The following LENG8 variants were observed in gnomAD, a reference collection of about 807,000 sequenced individuals.
LENG8 encodes the protein leukocyte receptor cluster member 8.
A neutral mutation model predicts 102.1 loss-of-function variants in LENG8; 28 were observed. The ratio of observed to expected loss-of-function variants is 0.27; its 90% confidence interval spans 0.20 to 0.38. LENG8 has a LOEUF of 0.38. LENG8 is among the 10% of genes least tolerant of loss of function. The probability of loss-of-function intolerance (pLI) is 1.00; values close to 1 mark genes in which losing one functional copy is unlikely to be tolerated. For missense variants in LENG8, 1,022 were observed against 1,113.9 expected, an observed-to-expected ratio of 0.92 and a Z score of 1.17; for synonymous variants, 531 against 456.7, an observed-to-expected ratio of 1.16 and a Z score of -2.07.
rs2084281312 is a variant in LENG8, at chr19:54,456,939, C to T, written c.1731+18C>T. Reference sequence around the variant, plus strand: ...CTGTGGCAGTAAGTGCCCAGCAGGGCAGTTCTGCTCTGTGAGGCCGTGCTG... The same window carrying T: ...CTGTGGCAGTAAGTGCCCAGCAGGGTAGTTCTGCTCTGTGAGGCCGTGCTG... On this transcript the variant is annotated intron_variant, in intron 11 of 15. Transcript: ENST00000326764. The T allele has an allele frequency of 6.3e-7, 1 of 1,590,156 alleles. No homozygotes were observed. Among genetic ancestry groups the T allele is most frequent in the Non-Finnish European group, 8.5e-7 (1 of 1,170,810 alleles).
chr19:54,455,977 G>C lies in LENG8; in HGVS notation c.1036G>C (p.Glu346Gln). Residue 346 changes from glutamate to glutamine, a missense_variant, in exon 9 of 16, where the codon GAG (glutamate) becomes CAG (glutamine). Transcript: ENST00000326764. ...CTGCTGTATTCTCAGGCTGACCCGGGAGCCTGTGGCTGAGAGCCCTAAGAA... is the reference window on the plus strand; with the variant it reads ...CTGCTGTATTCTCAGGCTGACCCGGCAGCCTGTGGCTGAGAGCCCTAAGAA... ...SREPLPGLTR[E>Q]PVAESPKKKR... is the part of the protein sequence containing the mutation. The C allele has an allele frequency of 6.2e-7, 1 of 1,612,470 alleles. No individual in the cohort carries two copies. The highest frequency in any genetic ancestry group is 8.5e-7 in the Non-Finnish European group (1 of 1,179,638).
At position 54,458,470 on chromosome 19, in the gene LENG8, A is replaced by G; in HGVS notation, c.2189A>G (p.Asp730Gly). Residue 730 changes from aspartate to glycine, a missense_variant, in exon 15 of 16, where the codon GAC becomes GGC. This residue lies in a region of LENG8 where 129 missense variants were observed against 123.0 expected (regional missense o/e 1.05). Transcript: ENST00000326764. ...CCCTGCATGTCTGGCTACCTCGTGG[A>G]CAAGTTTGCAGATCGGGAGCGCAAG... Reference protein sequence around the residue: ...HAPCMSGYLVDKFADRERKVA... With the variant: ...HAPCMSGYLVGKFADRERKVA... The G allele has an allele frequency of 6.2e-7, 1 of 1,614,248 alleles. No homozygotes were observed.
chr19:54,449,486 G>C (rs1257388085), intron 1 of LENG8, 176 bp downstream of exon 1: 1 of 152,116 alleles, frequency 6.6e-6, no homozygotes, highest in African/African-American at 2.4e-5. Context: ...CTGGGGCCGC[G>C]CGTTCGGGCA....
chr19:54,460,717 C>T (rs1569309827), intron 15 of LENG8, 49 bp from the exon 16 acceptor site: 5 of 1,360,284 alleles, frequency 3.7e-6, no homozygotes, highest in Non-Finnish European at 2.9e-6. Flanking sequence ...GGGCCCTCCC[C>T]TGCCCTCCCG....
At chr19:54,456,534 G>T in intron 10 of LENG8, 69 bp downstream of exon 10, 2 of 1,539,562 alleles carry the variant, frequency 1.3e-6, no homozygotes, top group Admixed American at 4.0e-5. Flanking sequence ...ATGGGAGAAG[G>T]AGGAGGAGGG....
chr19:54,457,264 T>C lies in LENG8; in HGVS notation c.1731+343T>C, dbSNP rs1440126730. Reference sequence around the variant, plus strand: ...GTGTTTGGCGTAGTCACTGTTCTGCTGCAGAACCTGTGAACAGCCATGTGC... The same window carrying C: ...GTGTTTGGCGTAGTCACTGTTCTGCCGCAGAACCTGTGAACAGCCATGTGC... On this transcript the variant is annotated intron_variant, in intron 11 of 15. Transcript: ENST00000326764. Among the ~76,000 whole-genome samples, 4 of 152,366 alleles carry C rather than the reference T, an allele frequency of 2.6e-5. No homozygotes were observed. In the East Asian group the frequency reaches 7.7e-4, roughly 29 times the overall value.
intron 15 of LENG8, 47 bp from the exon 16 acceptor site, chr19:54,460,719 G>GGCCA: frequency 1.3e-6 from 1 of 778,920 alleles, no homozygotes; most frequent in East Asian, 5.4e-5. Context: ...GCCCTCCCCT[G>GGCCA]CCCTCCCGCC....
At chr19:54,458,547 C>G in intron 15 of LENG8, 26 bp downstream of exon 15, 1 of 1,613,828 alleles carries the variant, frequency 6.2e-7, no homozygotes, top group South Asian at 1.1e-5. Context: ...CTCCCTTCTG[C>G]CTTTGCTCTT....
At chr19:54,453,388 T>C (rs1403771888) in intron 4 of LENG8, among the ~76,000 whole-genome samples, 158 bp from the exon 5 acceptor site, 1 of 152,164 alleles carries the variant, frequency 6.6e-6, no homozygotes, top group Non-Finnish European at 1.5e-5. Context: ...GAGGTTTTTC[T>C]TTTCCTAATA....
intron 15 of LENG8, 134 bp from the exon 16 acceptor site, chr19:54,460,632 G>A: frequency 3.5e-6 from 5 of 1,434,448 alleles, no homozygotes; most frequent in Non-Finnish European, 3.7e-6. Context: ...AGGCTGGGAG[G>A]CGGGTGGGGA....
chr19:54,458,927 G>A (rs1383280699), intron 15 of LENG8: 8 of 1,525,134 alleles, frequency 5.2e-6, no homozygotes, highest in Non-Finnish European at 7.0e-6. Flanking sequence ...GACAGCCTCT[G>A]GTCTACCAGG....
rs1280558897 is a variant in LENG8 at position 54,455,971 on chromosome 19, A to G, written c.1030A>G (p.Thr344Ala). Residue 344 changes from threonine to alanine, a missense_variant, in exon 9 of 16, where the codon ACC becomes GCC. Coordinates refer to ENST00000326764, the MANE Select transcript of LENG8 (RefSeq NM_052925.4). Reference sequence around the variant, plus strand: ...CCTGCCCTGCTGTATTCTCAGGCTGACCCGGGAGCCTGTGGCTGAGAGCCC... The same window carrying G: ...CCTGCCCTGCTGTATTCTCAGGCTGGCCCGGGAGCCTGTGGCTGAGAGCCC... Reference protein sequence around the residue: ...DWSREPLPGLTREPVAESPKK... With the variant: ...DWSREPLPGLAREPVAESPKK... 1.2e-6 allele frequency: 2 copies of G among 1,611,632 alleles called. No individual in the cohort carries two copies. Among genetic ancestry groups the G allele is most frequent in the Non-Finnish European group, 1.7e-6 (2 of 1,179,412 alleles).
Position 54,452,238 on chromosome 19 carries a change from A to G in LENG8, c.184A>G (p.Ser62Gly). ...AGCTGCCGGCGGCTCTGCCAAGTCC[A>G]GCAGCAATGGGCCTGTGGCCAGTGC... is the stretch of plus-strand genomic sequence containing the variant. ...SGAAGGSAKS[S>G]SNGPVASAQY... Residue 62 changes from serine (S) to glycine (G), a missense_variant, in exon 3 of 16, where the codon AGC (serine) becomes GGC (glycine). Ser to Gly is a moderately conservative substitution (Grantham distance 56). This residue lies in a region of LENG8 where 343 missense variants were observed against 320.2 expected (regional missense o/e 1.07). Coordinates refer to ENST00000326764, the MANE Select transcript of LENG8 (RefSeq NM_052925.4). 1.9e-6 allele frequency: 3 copies of G among 1,613,502 alleles called. No homozygotes were observed. Among genetic ancestry groups the G allele is most frequent in the Non-Finnish European group, 8.5e-7 (1 of 1,179,736 alleles).
At chr19:54,455,165 C>T (rs1022845823) in intron 7 of LENG8, 73 bp downstream of exon 7, 4 of 1,592,562 alleles carry the variant, frequency 2.5e-6, no homozygotes, top group Non-Finnish European at 8.6e-7. Context: ...TCCCACTGGC[C>T]AGCTGCCCAC....
At chr19:54,449,557 C>T (rs1331056153) in intron 1 of LENG8, 1 of 151,754 alleles carries the variant, frequency 6.6e-6, no homozygotes, top group Non-Finnish European at 1.5e-5. Flanking sequence ...TTCTCGGGGC[C>T]CCGGGGCGCC....
At chr19:54,451,471 C>T in intron 2 of LENG8, 89 bp downstream of exon 2, 5 of 1,348,616 alleles carry the variant, frequency 3.7e-6, no homozygotes, top group Non-Finnish European at 5.3e-6. Context: ...CCTCCCGTGG[C>T]CTTAGGGGAG....
intron 15 of LENG8, chr19:54,459,067 C>T: frequency 7.2e-7 from 1 of 1,398,502 alleles, no homozygotes. Flanking sequence ...GTCCTTCGTT[C>T]ACTAGACATT....
rs2084522837 is a variant in LENG8 at position 54,461,056 on chromosome 19, A to T, written c.*128A>T. ...GGAGTGCGCTCCAGGAAGAGCCACC[A>T]TCCCTGCCCCCGTTTTCCCACCGGG... On this transcript the variant is annotated 3_prime_UTR_variant, in exon 16 of 16. Transcript: ENST00000326764. 1 of 1,358,232 alleles carries T rather than the reference A, an allele frequency of 7.4e-7. No homozygotes were observed. The highest frequency in any genetic ancestry group is 2.1e-5 in the Admixed American group (1 of 47,296). The allele number at this position is 1,358,232 out of a possible 1,614,324, so 84.1% of individuals were successfully genotyped here. A position where few individuals can be genotyped will look rare whatever the true frequency, so the allele number is the denominator to read the frequency against.
chr19:54,454,706 G>A (rs1478440353), intron 6 of LENG8, 24 bp downstream of exon 6: 8 of 1,569,580 alleles, frequency 5.1e-6, no homozygotes, highest in Non-Finnish European at 6.0e-6. Flanking sequence ...GCTACGTGGA[G>A]GTCCGAGCGG....
Sources: allele counts gnomAD v4.1 joint callset (sites outside exome capture counted in the v4.1 genomes callset), GRCh38; gene constraint gnomAD v4.1.1; regional missense constraint gnomAD v4.1.1; transcripts MANE v1.5; gene names NCBI Gene and HGNC (gene_info 2026-07-23, HGNC 2026-07-21).